The following EXPH5 variants were observed in gnomAD, a reference collection of about 807,000 sequenced individuals.
The protein encoded by EXPH5 is exophilin-5.
Under a neutral mutation model 41.1 loss-of-function variants are expected in EXPH5, and 42 were observed. The ratio of observed to expected loss-of-function variants is 1.02; its 90% CI spans 0.80 to 1.32. The LOEUF is 1.32. Among genes scored for constraint, EXPH5 ranks in the 40% most tolerant of loss-of-function variants. EXPH5 has a pLI of 0.00. For synonymous variants in EXPH5, 798 were observed against 833.5 expected (o/e 0.96, Z 0.73); for missense variants, 2,298 against 2,314.5 (o/e 0.99, Z 0.15).
At chr11:108,575,721 C>A (rs970979105) in intron 1 of EXPH5, among the ~76,000 whole-genome samples, 5 of 152,140 alleles carry the variant, frequency 3.3e-5, no homozygotes, top group African/African-American at 1.2e-4. Context: ...TGCCTGTAAT[C>A]CCAGCACTTT....
At position 108,508,020 on chromosome 11, in the gene EXPH5, A is replaced by AAT. The variant is rs1457712907; in HGVS notation, c.*1516_*1517insAT. 6.6e-6 allele frequency: 1 copy of AAT among 150,480 alleles called. No individual in the cohort carries two copies. The highest frequency in any genetic ancestry group is 1.5e-5 in the Non-Finnish European group (1 of 68,172). The allele number at this position is 150,480 out of a possible 1,614,324, so 9.3% of individuals were successfully genotyped here. ...TAAAAATACCAAAAAAAAAAAAAAA[A>AAT]AAAAAAAAATTAGCCAGGTGTGGTG... is the stretch of plus-strand genomic sequence containing the variant. On this transcript the variant is annotated 3_prime_UTR_variant, in exon 6 of 6. Coordinates refer to ENST00000265843, the MANE Select transcript of EXPH5 (RefSeq NM_015065.3).
chr11:108,511,535 G>A lies in EXPH5; in HGVS notation c.3972C>T (p.Leu1324=), dbSNP rs751912788. ...GGAAGGCAGTCATATTTTCAGTGGTGAGCGTCTGATCAGAGTTGACGGACA... is the reference window on the plus strand; with the variant it reads ...GGAAGGCAGTCATATTTTCAGTGGTAAGCGTCTGATCAGAGTTGACGGACA... The part of the protein sequence containing the change: ...LKMSVNSDQT[L]TTENMTAFRL... The change falls in exon 6 of 6, where the codon CTC becomes CTT. Residue 1324 remains leucine (L), a synonymous_variant. Coordinates refer to ENST00000265843, the MANE Select transcript of EXPH5 (RefSeq NM_015065.3). 6 of 1,609,196 alleles carry A rather than the reference G, an allele frequency of 3.7e-6. No homozygotes were observed. In the African/African-American group the frequency reaches 6.7e-5, roughly 18 times the overall value.
chr11:108,562,252 C>T (rs1263249527), intron 1 of EXPH5, among the ~76,000 whole-genome samples: 2 of 138,864 alleles, frequency 1.4e-5, no homozygotes, highest in Admixed American at 1.6e-4. Context: ...TGCCATTATA[C>T]AATTTTTTCT....
intron 2 of EXPH5, among the ~76,000 whole-genome samples, chr11:108,540,503 T>G (rs2093906814): frequency 6.6e-6 from 1 of 152,114 alleles, no homozygotes; most frequent in Admixed American, 6.6e-5. Flanking sequence ...TTATGAGAGT[T>G]GCAAGATATT....
Position 108,506,001 on chromosome 11 carries a change from T to C in EXPH5, c.*3536A>G, listed in dbSNP as rs754201512. ...GGGAGTCTCTAAAAATTAAAATAAC[T>C]TCATTAAACCCTATTTTAAACAGAC... is the stretch of plus-strand genomic sequence containing the variant. On this transcript the variant is annotated 3_prime_UTR_variant, in exon 6 of 6. Transcript: ENST00000265843. The C allele has an allele frequency of 5.3e-5, 8 of 152,208 alleles. No homozygotes were observed. The highest frequency in any genetic ancestry group is 8.8e-5 in the Non-Finnish European group (6 of 68,036). 9.4% of individuals were successfully genotyped at this position (152,208 alleles called of 1,614,324 possible).
chr11:108,568,858 G>T (rs1458366601), intron 1 of EXPH5, among the ~76,000 whole-genome samples: 1 of 151,880 alleles, frequency 6.6e-6, no homozygotes, highest in Non-Finnish European at 1.5e-5. Flanking sequence ...CCTAATCGAG[G>T]CCCCTAAACA....
chr11:108,517,718 A>G (rs760939012), intron 5 of EXPH5, among the ~76,000 whole-genome samples: 7 of 152,232 alleles, frequency 4.6e-5, no homozygotes, highest in Non-Finnish European at 1.0e-4. Context: ...TCTATTAAAC[A>G]GCAAACTTTG....
chr11:108,555,878 C>A (rs1591733751), intron 1 of EXPH5, among the ~76,000 whole-genome samples: 1 of 152,188 alleles, frequency 6.6e-6, no homozygotes, highest in Non-Finnish European at 1.5e-5. Flanking sequence ...TCAATCAAAT[C>A]TCTTTCCTTT....
In EXPH5 at chr11:108,510,031, T is replaced by C. The variant is rs773804803; in HGVS notation, c.5476A>G (p.Ile1826Val). The C allele has an allele frequency of 1.9e-5, 31 of 1,613,004 alleles. No homozygotes were observed. The Admixed American group carries it at 2.0e-4, about 10-fold the overall frequency. Reference protein sequence around the residue: ...RERHFSESTSIDNALSRLTLG... With the variant: ...RERHFSESTSVDNALSRLTLG... ...GTCAGTCGACTCAGGGCATTGTCAA[T>C]AGAAGTGCTTTCAGAAAAATGGCGC... The change falls in exon 6 of 6, where the codon ATT becomes GTT. Residue 1826 changes from isoleucine (I) to valine (V), a missense_variant. Ile to Val is a conservative substitution (Grantham distance 29). Transcript: ENST00000265843.
chr11:108,571,981 C>T (rs555951864), intron 1 of EXPH5, among the ~76,000 whole-genome samples: 3 of 151,326 alleles, frequency 2.0e-5, no homozygotes, highest in South Asian at 2.1e-4. Context: ...ACCCGGGAGG[C>T]GGAGCTTGCA....
chr11:108,570,705 G>A (rs993731570), intron 1 of EXPH5, among the ~76,000 whole-genome samples: 2 of 152,066 alleles, frequency 1.3e-5, no homozygotes, highest in African/African-American at 4.8e-5. Context: ...CACCATGTCC[G>A]GCTAATTTTT....
At chr11:108,567,384 A>G (rs930791353) in intron 1 of EXPH5, among the ~76,000 whole-genome samples, 2 of 151,706 alleles carry the variant, frequency 1.3e-5, no homozygotes, top group Non-Finnish European at 2.9e-5. Context: ...TCCTTTACCT[A>G]CCTCCCACTT....
chr11:108,514,941 T>C (rs1354093285), intron 5 of EXPH5, 66 bp from the exon 6 acceptor site: 27 of 1,014,916 alleles, frequency 2.7e-5, no homozygotes, highest in Middle Eastern at 2.2e-4. Context: ...ATTTGAGTTA[T>C]TGAAGGCTCC....
At chr11:108,595,987 G>A (rs529899724), upstream of EXPH5, among the ~76,000 whole-genome samples, 2 of 152,188 alleles carry the variant, frequency 1.3e-5, no homozygotes, top group South Asian at 4.2e-4. Flanking sequence ...AGATCACGAG[G>A]TCAGGAGATT....
rs1442838769 is a variant in EXPH5 at position 108,512,923 on chromosome 11, A to C, written c.2584T>G (p.Ser862Ala). The change falls in exon 6 of 6, where the codon TCA (serine) becomes GCA (alanine). Residue 862 changes from serine to alanine, a missense_variant. Physicochemically the swap from Ser to Ala is moderately conservative, Grantham distance 99. Coordinates refer to ENST00000265843, the MANE Select transcript of EXPH5 (RefSeq NM_015065.3). ...TGGCCAGGAGTTAACTTGCATTTTGAGTATTGTGCATTTTGAGTATCAGTC... is the reference window on the plus strand; with the variant it reads ...TGGCCAGGAGTTAACTTGCATTTTGCGTATTGTGCATTTTGAGTATCAGTC... ...ALTDTQNAQY[S>A]KCKLTPGHKT... 6.2e-7 allele frequency: 1 copy of C among 1,613,292 alleles called. No individual in the cohort carries two copies. Among genetic ancestry groups the C allele is most frequent in the Admixed American group, 1.7e-5 (1 of 59,940 alleles).
chr11:108,519,468 C>T (rs1370478886), intron 4 of EXPH5, among the ~76,000 whole-genome samples: 9 of 152,004 alleles, frequency 5.9e-5, no homozygotes, highest in East Asian at 1.9e-4. Context: ...TGAACTTGGC[C>T]GCGTGCAGTG....
At chr11:108,565,728 C>T (rs529471033) in intron 1 of EXPH5, among the ~76,000 whole-genome samples, 2 of 152,248 alleles carry the variant, frequency 1.3e-5, no homozygotes, top group South Asian at 2.1e-4. Flanking sequence ...ATCTATGTGT[C>T]TCATCTTCCT....
intron 5 of EXPH5, 34 bp from the exon 6 acceptor site, chr11:108,514,909 A>G: frequency 7.4e-7 from 1 of 1,343,460 alleles, no homozygotes; most frequent in Non-Finnish European, 9.7e-7. Context: ...CTTTTTCTGT[A>G]TGTTTTTACA....
chr11:108,544,706 AAT>A (rs2093929478), intron 1 of EXPH5, among the ~76,000 whole-genome samples: 1 of 152,200 alleles, frequency 6.6e-6, no homozygotes, highest in African/African-American at 2.4e-5. Context: ...AGTTGCTAAC[AAT>A]AATTATGTAG....
Sources: gnomAD v4.1 joint callset for allele counts (sites outside exome capture counted in the v4.1 genomes callset) on GRCh38, gnomAD v4.1.1 for gene constraint, MANE v1.5 for transcripts, NCBI Gene and HGNC (gene_info 2026-07-23, HGNC 2026-07-21) for gene names.